BCO1: variants seen among roughly 807,000 people sequenced by gnomAD.
BCO1 encodes beta,beta-carotene 15,15'-dioxygenase.
BCO1 carries 54 observed loss-of-function variants against 56.3 expected under a neutral mutation model. The observed-to-expected ratio is 0.96, with a 90% CI of 0.77 to 1.20. The LOEUF is 1.20. Among genes scored for constraint, BCO1 ranks in the 50% most tolerant of loss-of-function variants. The pLI is 0.00. For missense variants in BCO1, 801 were observed against 690.9 expected, an observed-to-expected ratio of 1.16 and a Z score of -1.79; for synonymous variants, 318 against 266.1, an observed-to-expected ratio of 1.20 and a Z score of -1.90.
At chr16:81,269,463 T>G (rs1465868767) in intron 6 of BCO1, among the ~76,000 whole-genome samples, 1 of 151,998 alleles carries the variant, frequency 6.6e-6, no homozygotes, top group African/African-American at 2.4e-5. Flanking sequence ...GCCTAGTGAA[T>G]TTATTTATTT....
chr16:81,240,311 C>G (rs1023734262), intron 1 of BCO1, among the ~76,000 whole-genome samples: 1 of 152,072 alleles, frequency 6.6e-6, no homozygotes, highest in Non-Finnish European at 1.5e-5. Context: ...TGATAGATTA[C>G]TATATTTGTA....
At chr16:81,277,030 G>A (rs1016662720) in intron 7 of BCO1, among the ~76,000 whole-genome samples, 5 of 134,208 alleles carry the variant, frequency 3.7e-5, no homozygotes, top group South Asian at 2.4e-4. Flanking sequence ...TCGTGCCACC[G>A]TATTCCGCCT....
intron 7 of BCO1, among the ~76,000 whole-genome samples, chr16:81,273,380 C>T (rs1277665475): frequency 6.6e-6 from 1 of 152,162 alleles, no homozygotes; most frequent in East Asian, 1.9e-4. Flanking sequence ...CCACACTTGG[C>T]ACTCTGCAGG....
At chr16:81,285,492 C>G (rs1226149904) in intron 8 of BCO1, 48 bp from the exon 9 acceptor site, 2 of 1,372,396 alleles carry the variant, frequency 1.5e-6, no homozygotes, top group Non-Finnish European at 2.1e-6. Flanking sequence ...GTGGATGCTC[C>G]CAGCCCCCAA....
intron 8 of BCO1, among the ~76,000 whole-genome samples, chr16:81,282,015 A>G (rs185810118): frequency 6.6e-6 from 1 of 152,340 alleles, no homozygotes; most frequent in East Asian, 1.9e-4. Flanking sequence ...TGTGTTCCAT[A>G]CGCCAAAGTG....
Position 81,238,978 on chromosome 16 carries a change from CA to C in BCO1, c.64+7del. On this transcript the variant is annotated splice_region_variant and intron_variant, in intron 1 of 10. Coordinates refer to ENST00000258168, the MANE Select transcript of BCO1 (RefSeq NM_017429.3). ...TGTGAGGGCCAAAGTGACAGGTGAG[CA>C]TTCTGATAAACACTGGGCTCTTTCT... is the stretch of plus-strand genomic sequence containing the variant. The C allele has an allele frequency of 6.2e-7, 1 of 1,612,004 alleles. No individual in the cohort carries two copies. Among genetic ancestry groups the C allele is most frequent in the South Asian group, 1.1e-5 (1 of 91,026 alleles).
At chr16:81,273,515 T>A (rs1439514182) in intron 7 of BCO1, among the ~76,000 whole-genome samples, 1 of 152,172 alleles carries the variant, frequency 6.6e-6, no homozygotes, top group Non-Finnish European at 1.5e-5. Flanking sequence ...AACTGAGGTT[T>A]GTCTGACTCC....
At chr16:81,263,191 A>G (rs549325771) in intron 4 of BCO1, 9 of 148,674 alleles carry the variant, frequency 6.1e-5, no homozygotes, top group African/African-American at 2.0e-4. Context: ...GCTCACTGCA[A>G]CCTCCGCCTC....
Position 81,238,886 on chromosome 16 carries a change from G to T in BCO1, c.-23G>T. 1 of 1,612,478 alleles carries T rather than the reference G, an allele frequency of 6.2e-7. No homozygotes were observed. The highest frequency in any genetic ancestry group is 1.1e-5 in the South Asian group (1 of 91,024). ...GGAGCACCTGTTTGCTGTTAAAATC[G>T]ATCTCCCTCGGCACCCTGAGCAATG... is the stretch of plus-strand genomic sequence containing the variant. On this transcript the variant is annotated 5_prime_UTR_variant, in exon 1 of 11. Coordinates refer to ENST00000258168, the MANE Select transcript of BCO1 (RefSeq NM_017429.3).
At chr16:81,248,474 A>T (rs1237137254) in intron 2 of BCO1, among the ~76,000 whole-genome samples, 1 of 151,332 alleles carries the variant, frequency 6.6e-6, no homozygotes, top group East Asian at 1.9e-4. Flanking sequence ...TTATTTTTTG[A>T]ATGTGTACTC....
chr16:81,262,321 C>T, intron 4 of BCO1, 38 bp downstream of exon 4: 1 of 1,601,428 alleles, frequency 6.2e-7, no homozygotes, highest in Non-Finnish European at 8.6e-7. Flanking sequence ...CTTCCTGACT[C>T]AAGAAAGGGA....
At position 81,267,909 on chromosome 16, in the gene BCO1, G is replaced by A. The variant is rs1906928775; in HGVS notation, c.621G>A (p.Glu207=). 5 of 1,613,408 alleles carry A rather than the reference G, an allele frequency of 3.1e-6. No homozygotes were observed. The highest frequency in any genetic ancestry group is 1.3e-5 in the African/African-American group (1 of 74,870). The change falls in exon 6 of 11, where the codon GAG becomes GAA. Residue 207 remains glutamate, a splice_region_variant and synonymous_variant. Coordinates refer to ENST00000258168, the MANE Select transcript of BCO1 (RefSeq NM_017429.3). ...VIFKIPATVP[E]GKKQGKSPWK... is the part of the protein sequence containing the mutation. ...GAGGCTTGCTTTTTGTCTTGCTAGA[G>A]GGCAAGAAGCAGGGGAAGAGCCCCT...
At chr16:81,241,286 C>T (rs1033228247) in intron 1 of BCO1, among the ~76,000 whole-genome samples, 2 of 152,072 alleles carry the variant, frequency 1.3e-5, no homozygotes, top group African/African-American at 2.4e-5. Context: ...GTACTCCAGC[C>T]TGGGCAACAG....
chr16:81,250,121 G>A (rs1567699910), intron 2 of BCO1, among the ~76,000 whole-genome samples: 1 of 152,160 alleles, frequency 6.6e-6, no homozygotes, highest in Non-Finnish European at 1.5e-5. Flanking sequence ...CGTCACTCCT[G>A]AGGAGGATAG....
chr16:81,264,004 G>A (rs543396895), intron 4 of BCO1: 2 of 156,296 alleles, frequency 1.3e-5, no homozygotes, highest in East Asian at 3.7e-4. Context: ...TGTTTTTCTA[G>A]GGGAGGAAGC....
intron 7 of BCO1, among the ~76,000 whole-genome samples, chr16:81,279,538 G>A (rs1192037234): frequency 1.3e-5 from 2 of 152,092 alleles, no homozygotes; most frequent in African/African-American, 4.8e-5. Context: ...TGTGAAGCAG[G>A]CATTCTTGTG....
rs1276057123 is a variant in BCO1, at chr16:81,279,980, TG to T, written c.1102-875del. ...GTATTTTTAATATTTAGTATATTTC[TG>T]GCTGGGCGTGGTGGCTCACGCCTGT... is the stretch of plus-strand genomic sequence containing the variant. On this transcript the variant is annotated intron_variant, in intron 7 of 10. Coordinates refer to ENST00000258168, the MANE Select transcript of BCO1 (RefSeq NM_017429.3). 1.4e-4 allele frequency among the ~76,000 whole-genome samples: 21 copies of T among 152,232 alleles called. No individual in the cohort carries two copies. In the East Asian group the frequency reaches 3.9e-3, roughly 28 times the overall value.
chr16:81,243,059 G>A (rs1381129398), intron 1 of BCO1, among the ~76,000 whole-genome samples: 1 of 152,138 alleles, frequency 6.6e-6, no homozygotes, highest in Non-Finnish European at 1.5e-5. Flanking sequence ...TAGGAAAGAA[G>A]ATGGGTGCCT....
intron 10 of BCO1, 122 bp downstream of exon 10, chr16:81,287,528 A>G: frequency 1.3e-6 from 1 of 773,934 alleles, no homozygotes; most frequent in Non-Finnish European, 2.3e-6. Flanking sequence ...GGTGCTTTGA[A>G]GTGTACATCT....
Sources: allele counts gnomAD v4.1 joint callset (sites outside exome capture counted in the v4.1 genomes callset), GRCh38; gene constraint gnomAD v4.1.1; transcripts MANE v1.5; gene names NCBI Gene and HGNC (gene_info 2026-07-23, HGNC 2026-07-21).